EPHA4: variants seen among roughly 807,000 people sequenced by gnomAD.
EPHA4 encodes EPH receptor A4, also known as ephrin type-A receptor 4.
Under a neutral mutation model 108.3 loss-of-function variants are expected in EPHA4, and 19 were observed. The observed-to-expected ratio is 0.18, with a 90% confidence interval of 0.12 to 0.26. EPHA4 has a LOEUF of 0.26. EPHA4 is among the 10% of genes least tolerant of loss of function. The probability of loss-of-function intolerance (pLI) is 1.00; values close to 1 mark genes in which losing one functional copy is unlikely to be tolerated. For synonymous variants in EPHA4, 449 were observed against 455.5 expected (o/e 0.99, Z 0.18); for missense variants, 917 against 1,254.0 (o/e 0.73, Z 4.06).
intron 4 of EPHA4, among the ~76,000 whole-genome samples, chr2:221,486,527 G>T (rs2106145037): frequency 6.6e-6 from 1 of 151,976 alleles, no homozygotes; most frequent in East Asian, 1.9e-4. Flanking sequence ...AGGAGTTTAA[G>T]ACCAGCCTGG....
chr2:221,426,793 G>A (rs1228420636), intron 15 of EPHA4, among the ~76,000 whole-genome samples, 174 bp from the exon 16 acceptor site: 1 of 152,208 alleles, frequency 6.6e-6, no homozygotes, highest in African/African-American at 2.4e-5. Context: ...ACTTCACAAA[G>A]CTGCTAAAGC....
intron 5 of EPHA4, among the ~76,000 whole-genome samples, chr2:221,475,873 T>C (rs915168098): frequency 1.3e-5 from 2 of 152,218 alleles, no homozygotes; most frequent in African/African-American, 4.8e-5. Flanking sequence ...GGCCATAGCT[T>C]GCTGACCCCT....
chr2:221,468,856 C>T (rs796596233), intron 5 of EPHA4, among the ~76,000 whole-genome samples: 23 of 152,330 alleles, frequency 1.5e-4, no homozygotes, highest in African/African-American at 5.1e-4. Flanking sequence ...CTGTCTGCTT[C>T]AATAAATAGA....
intron 5 of EPHA4, among the ~76,000 whole-genome samples, chr2:221,458,311 C>G (rs1015866605): frequency 1.3e-5 from 2 of 152,164 alleles, no homozygotes; most frequent in African/African-American, 2.4e-5. Context: ...TGGTTTTTAA[C>G]CTTTTGTAAG....
At position 221,466,663 on chromosome 2, in the gene EPHA4, T is replaced by C. The variant is rs535017024; in HGVS notation, c.1319-8673A>G. Among the ~76,000 whole-genome samples the C allele has an allele frequency of 2.0e-5, 3 of 152,320 alleles. No individual in the cohort carries two copies. In the East Asian group the frequency reaches 5.8e-4, roughly 29 times the overall value. On this transcript the variant is annotated intron_variant, in intron 5 of 17. Transcript: ENST00000281821. ...AGTAATTATGATGTGCTGAGCATTG[T>C]TCTAAATCTCTTGCAGGACTTAATT...
In EPHA4 at chr2:221,571,248, C is replaced by CCACACACA. The variant is rs1172116005; in HGVS notation, c.91+909_91+910insTGTGTGTG. 1.4e-5 allele frequency among the ~76,000 whole-genome samples: 2 copies of CCACACACA among 141,292 alleles called. No homozygotes were observed. Among genetic ancestry groups the CCACACACA allele is most frequent in the South Asian group, 4.6e-4 (2 of 4,394 alleles). The allele number at this position is 141,292 out of a possible 152,430, so 92.7% of individuals were successfully genotyped here. On this transcript the variant is annotated intron_variant, in intron 1 of 17. Transcript: ENST00000281821. The surrounding 1 kb of genome is among the most constrained non-coding windows in gnomAD (Gnocchi z 6.3). Reference sequence around the variant, plus strand: ...ACACACGCAGACATGCACACACACACCACACATACACACACACACACACAC... The same window carrying CCACACACA: ...ACACACGCAGACATGCACACACACACCACACACACACACATACACACACACACACACAC...
At chr2:221,485,594 T>C (rs1022928094) in intron 4 of EPHA4, among the ~76,000 whole-genome samples, 1 of 152,160 alleles carries the variant, frequency 6.6e-6, no homozygotes, top group African/African-American at 2.4e-5. Context: ...ATGACTATGA[T>C]GTTGGTCTGG....
At chr2:221,564,534 TA>T (rs1168365731) in intron 2 of EPHA4, 140 bp from the exon 3 acceptor site, 3 of 806,760 alleles carry the variant, frequency 3.7e-6, no homozygotes, top group Non-Finnish European at 5.8e-6. Context: ...TCATCACTAA[TA>T]AAGGATCTTA....
intron 8 of EPHA4, among the ~76,000 whole-genome samples, chr2:221,451,091 G>A (rs1020854887): frequency 6.6e-6 from 1 of 152,090 alleles, no homozygotes; most frequent in African/African-American, 2.4e-5. Flanking sequence ...GTACATGCCT[G>A]TAATCCCAGC....
At chr2:221,434,536 A>C (rs111270371) in intron 13 of EPHA4, among the ~76,000 whole-genome samples, 146 of 152,324 alleles carry the variant, frequency 9.6e-4, no homozygotes, top group African/African-American at 3.3e-3. Context: ...CTATTATCTG[A>C]GCTCTGCTTA....
intron 5 of EPHA4, among the ~76,000 whole-genome samples, chr2:221,473,568 A>AAC (rs1204258445): frequency 8.7e-4 from 132 of 150,990 alleles, no homozygotes; most frequent in African/African-American, 3.0e-3. Flanking sequence ...AAAAAAAAAA[A>AAC]AAAAAACTAT....
intron 14 of EPHA4, among the ~76,000 whole-genome samples, chr2:221,432,654 T>A (rs113946091): frequency 0.026 from 3,910 of 151,642 alleles, 187 homozygotes; most frequent in African/African-American, 0.09. Context: ...ACATTTTTTT[T>A]TTTTTTTGAG....
chr2:221,515,297 G>T (rs1471354141), intron 3 of EPHA4, among the ~76,000 whole-genome samples: 3 of 152,216 alleles, frequency 2.0e-5, no homozygotes, highest in South Asian at 2.1e-4. Context: ...GTTTCTCCAT[G>T]TTGGTCAGGC....
At position 221,496,572 on chromosome 2, in the gene EPHA4, G is replaced by A. The variant is rs538338582; in HGVS notation, c.979+4445C>T. ...CCTATCTCAGAGGAAGTCTTCAGAG[G>A]CTTATGCAGTTAATGTTTAAGTTTA... On this transcript the variant is annotated intron_variant, in intron 4 of 17. Transcript: ENST00000281821. Among the ~76,000 whole-genome samples, 106 of 152,230 alleles carry A rather than the reference G, an allele frequency of 7.0e-4. 2 individuals carry two copies. Among genetic ancestry groups the A allele is most frequent in the African/African-American group, 2.4e-3 (101 of 41,562 alleles).
At chr2:221,502,659 C>A in intron 3 of EPHA4, 1 of 461,976 alleles carries the variant, frequency 2.2e-6, no homozygotes, top group Non-Finnish European at 4.5e-6. Flanking sequence ...CACCCACTCG[C>A]ATATCCTGTT....
chr2:221,565,588 T>A (rs986540312), intron 2 of EPHA4, among the ~76,000 whole-genome samples: 2 of 152,220 alleles, frequency 1.3e-5, no homozygotes, highest in African/African-American at 4.8e-5. Flanking sequence ...TATCTTTTAA[T>A]AGGTTTCCCA....
intron 8 of EPHA4, 34 bp downstream of exon 8, chr2:221,455,513 C>T (rs769016193): frequency 2.0e-5 from 30 of 1,506,980 alleles, no homozygotes; most frequent in African/African-American, 4.1e-5. Context: ...CTGGGAAGGT[C>T]GGGGGCTGCA....
intron 3 of EPHA4, among the ~76,000 whole-genome samples, chr2:221,535,587 G>GT (rs59938837): frequency 4.7e-4 from 71 of 151,678 alleles, no homozygotes; most frequent in African/African-American, 1.5e-3. Context: ...CTTTTTTTCT[G>GT]TTTTTTTTCC....
intron 3 of EPHA4, among the ~76,000 whole-genome samples, chr2:221,557,427 T>C (rs1209384809): frequency 1.3e-5 from 2 of 152,222 alleles, no homozygotes; most frequent in African/African-American, 2.4e-5. Context: ...TTTCTAAGCA[T>C]TTTAATGATT....
Sources: gnomAD v4.1 joint callset for allele counts (sites outside exome capture counted in the v4.1 genomes callset) on GRCh38, gnomAD v4.1.1 for gene constraint, Gnocchi (gnomAD v3.1) non-coding constraint, MANE v1.5 for transcripts, NCBI Gene and HGNC (gene_info 2026-07-23, HGNC 2026-07-21) for gene names.